The following HECW2 variants were observed in gnomAD, a reference collection of about 807,000 sequenced individuals.
HECW2 encodes the protein HECT, C2 and WW domain containing E3 ubiquitin protein ligase 2.
In HECW2, 61 loss-of-function variants were observed where a neutral mutation model predicts 175.2. That is an observed-to-expected ratio of 0.35 (90% CI 0.28 to 0.43). The LOEUF (loss-of-function observed/expected upper bound fraction) is 0.43. Ranked by LOEUF, HECW2 falls within the 20% of genes least tolerant of loss-of-function variation. The probability of loss-of-function intolerance (pLI) is 1.00; values close to 1 mark genes in which losing one functional copy is unlikely to be tolerated. For synonymous variants in HECW2, 671 were observed against 731.0 expected (o/e 0.92, Z 1.32); for missense variants, 1,524 against 2,000.5 (o/e 0.76, Z 4.54).
In HECW2 at chr2:196,199,368, T is replaced by C. The variant is rs1686785265; in HGVS notation, c.*1909A>G. 1.3e-5 allele frequency: 2 copies of C among 152,770 alleles called. 1 individual carries two copies. The highest frequency in any genetic ancestry group is 4.1e-4 in the South Asian group (2 of 4,832). 9.5% of individuals were successfully genotyped at this position (152,770 alleles called of 1,614,324 possible). A position where few individuals can be genotyped will look rare whatever the true frequency, so the allele number is the denominator to read the frequency against. ...AGAATACAGAGAGCTCTTCCTTTCTTATTTCCAGATTTCTATAACCCTTTT... is the reference window on the plus strand; with the variant it reads ...AGAATACAGAGAGCTCTTCCTTTCTCATTTCCAGATTTCTATAACCCTTTT... On this transcript the variant is annotated 3_prime_UTR_variant, in exon 29 of 29. Transcript: ENST00000644978.
intron 17 of HECW2, chr2:196,260,101 C>T (rs1175167173): frequency 1.3e-5 from 2 of 152,124 alleles, no homozygotes; most frequent in East Asian, 1.9e-4. Flanking sequence ...AAAACATCAT[C>T]GCTTCTTGAG....
At chr2:196,454,269 T>A (rs1339654106) in intron 1 of HECW2, among the ~76,000 whole-genome samples, 2 of 152,226 alleles carry the variant, frequency 1.3e-5, no homozygotes, top group African/African-American at 4.8e-5. Flanking sequence ...GCCACTTTGA[T>A]GTATAAATAA....
intron 1 of HECW2, among the ~76,000 whole-genome samples, chr2:196,470,942 A>C (rs1019592024): frequency 5.9e-5 from 9 of 152,032 alleles, no homozygotes; most frequent in African/African-American, 2.2e-4. Context: ...AATAAAATCA[A>C]AAAAGCCAAT....
rs574021228 is a variant in HECW2, at chr2:196,273,603, CTCTT to C, written c.3238+414_3238+417del. On this transcript the variant is annotated intron_variant, in intron 16 of 28. Coordinates refer to ENST00000644978, the MANE Select transcript of HECW2 (RefSeq NM_001348768.2). ...TGACAAAAGCCCTTAAGAATGTGCT[CTCTT>C]TGATTGTTTATTTTGTGAGGCTGCT... is the stretch of plus-strand genomic sequence containing the variant. Among the ~76,000 whole-genome samples the C allele has an allele frequency of 3.3e-5, 5 of 152,254 alleles. No homozygotes were observed. In the South Asian group the frequency reaches 8.3e-4, roughly 25 times the overall value.
intron 1 of HECW2, among the ~76,000 whole-genome samples, chr2:196,507,262 G>A (rs146044161): frequency 0.01 from 514 of 50,934 alleles, 5 homozygotes; most frequent in African/African-American, 0.034. Flanking sequence ...GCTAGACTAC[G>A]GAGCATATTC....
At chr2:196,480,943 A>AT (rs199922600) in intron 1 of HECW2, among the ~76,000 whole-genome samples, 1,842 of 152,312 alleles carry the variant, frequency 0.012, 41 homozygotes, top group African/African-American at 0.042. Context: ...CTCAAGAAAT[A>AT]TTTTTGACAT....
In HECW2 at chr2:196,433,408, G is replaced by A. The variant is rs767828310; in HGVS notation, c.16C>T (p.Arg6Trp). 13 of 1,613,458 alleles carry A rather than the reference G, an allele frequency of 8.1e-6. No homozygotes were observed. The highest frequency in any genetic ancestry group is 4.0e-5 in the African/African-American group (3 of 74,886). Residue 6 changes from arginine to tryptophan, a missense_variant, in exon 2 of 29, where the codon CGG (arginine) becomes TGG (tryptophan). Arg to Trp is a moderately radical substitution (Grantham distance 101, BLOSUM62 -3). Transcript: ENST00000644978. The part of the protein sequence containing the change: MASSA[R>W]EHLLFVRRRN... Reference sequence around the variant, plus strand: ...CGCCTCACAAAAAGCAGGTGCTCCCGGGCTGAACTAGCCATCCCGTCTGCT... The same window carrying A: ...CGCCTCACAAAAAGCAGGTGCTCCCAGGCTGAACTAGCCATCCCGTCTGCT...
chr2:196,269,520 A>AAAAAAAAC, intron 17 of HECW2: 1 of 150,922 alleles, frequency 6.6e-6, no homozygotes, highest in African/African-American at 2.4e-5. Context: ...AAAAAAAAAA[A>AAAAAAAAC]AGACATGAGA....
chr2:196,461,959 T>C (rs762316244), intron 1 of HECW2, among the ~76,000 whole-genome samples: 6 of 152,164 alleles, frequency 3.9e-5, no homozygotes, highest in South Asian at 4.1e-4. Flanking sequence ...AGCAGCTTTA[T>C]TTGTAATAAC....
At chr2:196,524,003 G>A (rs1688527920) in intron 1 of HECW2, among the ~76,000 whole-genome samples, 2 of 151,662 alleles carry the variant, frequency 1.3e-5, no homozygotes, top group South Asian at 4.2e-4. Flanking sequence ...AATGAGTTAG[G>A]GAGGATGCCC....
chr2:196,428,811 C>T (rs1695622267), intron 2 of HECW2, among the ~76,000 whole-genome samples: 1 of 152,152 alleles, frequency 6.6e-6, no homozygotes, highest in Admixed American at 6.5e-5. Flanking sequence ...CAGTTGTTAC[C>T]CTTTTCCCTT....
intron 19 of HECW2, among the ~76,000 whole-genome samples, chr2:196,248,597 GACACACAC>G (rs35800907): frequency 1.3e-4 from 19 of 143,906 alleles, no homozygotes; most frequent in South Asian, 6.7e-4. Context: ...GAGACAGACA[GACACACAC>G]ACACACACAC....
intron 18 of HECW2, among the ~76,000 whole-genome samples, chr2:196,254,812 T>C (rs1688989745): frequency 6.6e-6 from 1 of 152,220 alleles, no homozygotes; most frequent in Non-Finnish European, 1.5e-5. Context: ...TGTGAAATGG[T>C]ATCTCATTAT....
At chr2:196,301,709 A>T (rs1426482298) in intron 13 of HECW2, among the ~76,000 whole-genome samples, 3 of 145,352 alleles carry the variant, frequency 2.1e-5, no homozygotes, top group African/African-American at 7.6e-5. Context: ...TCCTCTGCCC[A>T]CTTTTTAATG....
At chr2:196,530,945 C>T (rs1688819935) in intron 1 of HECW2, among the ~76,000 whole-genome samples, 2 of 152,188 alleles carry the variant, frequency 1.3e-5, no homozygotes, top group African/African-American at 2.4e-5. Flanking sequence ...CGCACATGTT[C>T]CCTCTAGAAC....
intron 17 of HECW2, among the ~76,000 whole-genome samples, chr2:196,265,456 A>G (rs1347803414): frequency 2.0e-5 from 3 of 152,150 alleles, no homozygotes; most frequent in Admixed American, 6.5e-5. Flanking sequence ...ACTGCACTCC[A>G]GCCTGGGTGA....
intron 2 of HECW2, among the ~76,000 whole-genome samples, chr2:196,419,510 A>G (rs1695351398): frequency 6.6e-6 from 1 of 152,118 alleles, no homozygotes; most frequent in Admixed American, 6.5e-5. Context: ...TACCCTTCCC[A>G]TCTCTGAACC....
At chr2:196,494,975 G>A (rs189858231) in intron 1 of HECW2, among the ~76,000 whole-genome samples, 1 of 152,222 alleles carries the variant, frequency 6.6e-6, no homozygotes, top group East Asian at 1.9e-4. Flanking sequence ...CTTCTACCCA[G>A]CACTGCTGAG....
intron 28 of HECW2, among the ~76,000 whole-genome samples, chr2:196,205,990 G>A (rs1455814): frequency 0.21 from 32,611 of 151,860 alleles, 5,148 homozygotes; most frequent in African/African-American, 0.45. Flanking sequence ...ATGAGCCAAG[G>A]CCAGGAAAAA....
Sources: allele counts gnomAD v4.1 joint callset (sites outside exome capture counted in the v4.1 genomes callset), GRCh38; gene constraint gnomAD v4.1.1; transcripts MANE v1.5; gene names NCBI Gene and HGNC (gene_info 2026-07-23, HGNC 2026-07-21).